Variants in HPD observed in about 807,000 individuals in gnomAD.
HPD encodes 4-hydroxyphenylpyruvate dioxygenase.
A neutral mutation model predicts 56.9 loss-of-function variants in HPD; 35 were observed. The observed-to-expected ratio is 0.62, with a 90% CI of 0.47 to 0.82. HPD has a LOEUF of 0.82. Among genes scored for constraint, HPD ranks in the 40% least tolerant of loss-of-function variants. The pLI is 0.00. For synonymous variants in HPD, 186 were observed against 200.2 expected, an observed-to-expected ratio of 0.93 and a Z score of 0.60; for missense variants, 442 against 506.8, an observed-to-expected ratio of 0.87 and a Z score of 1.23.
intron 7 of HPD, among the ~76,000 whole-genome samples, chr12:121,853,971 C>T (rs537339623): frequency 9.2e-4 from 138 of 150,770 alleles, no homozygotes; most frequent in African/African-American, 2.8e-3. Flanking sequence ...AGAAAAAGGC[C>T]GGGCACAGTG....
Position 121,843,798 on chromosome 12 carries a change from A to G in HPD, c.866T>C (p.Leu289Ser), listed in dbSNP as rs745651422. Residue 289 changes from leucine (L) to serine (S), a missense_variant, in exon 12 of 14, where the codon TTA (leucine) becomes TCA (serine). Coordinates refer to ENST00000289004, the MANE Select transcript of HPD (RefSeq NM_002150.3). ...TTTGTAGTACGTGGAGGGAACAGAT[A>G]AGAACTCCAGGCCTCTCTCTCTCAA... ...RHLRERGLEF[L>S]SVPSTYYKQL... The G allele has an allele frequency of 5.0e-6, 8 of 1,614,004 alleles. No homozygotes were observed. The highest frequency in any genetic ancestry group is 1.6e-4 in the Middle Eastern group (1 of 6,062).
At chr12:121,861,142 C>A (rs1878161967), upstream of HPD, among the ~76,000 whole-genome samples, 1 of 151,942 alleles carries the variant, frequency 6.6e-6, no homozygotes, top group South Asian at 2.1e-4. Context: ...TTGAGACCAG[C>A]CTGACCAATA....
At chr12:121,842,473 T>C (rs1458119442) in intron 12 of HPD, among the ~76,000 whole-genome samples, 1 of 152,138 alleles carries the variant, frequency 6.6e-6, no homozygotes, top group Non-Finnish European at 1.5e-5. Context: ...TCACCCAGGC[T>C]GGAGTGCAGT....
chr12:121,874,952 G>T, the HPD span, among the ~76,000 whole-genome samples: 1 of 152,018 alleles, frequency 6.6e-6, no homozygotes, highest in Non-Finnish European at 1.5e-5. Context: ...GTAGAGAGGG[G>T]TTTCTCCATG....
At chr12:121,843,999 GAAC>G (rs1381513335) in intron 11 of HPD, among the ~76,000 whole-genome samples, 167 bp from the exon 12 acceptor site, 3 of 152,140 alleles carry the variant, frequency 2.0e-5, no homozygotes, top group Non-Finnish European at 4.4e-5. Flanking sequence ...GGCCCCGTTA[GAAC>G]AACAACTGCT....
At chr12:121,866,374 T>A (rs115712146), upstream of HPD, among the ~76,000 whole-genome samples, 5,259 of 123,212 alleles carry the variant, frequency 0.043, 314 homozygotes, top group African/African-American at 0.14. Context: ...CTAAGATATG[T>A]TACGTTTAAA....
the HPD span, among the ~76,000 whole-genome samples, chr12:121,888,476 T>C: frequency 6.6e-6 from 1 of 152,202 alleles, no homozygotes; most frequent in Admixed American, 6.5e-5. Context: ...AAGAACTGAA[T>C]TGGAGCGCCA....
chr12:121,887,761 C>T, the HPD span, among the ~76,000 whole-genome samples: 6 of 152,270 alleles, frequency 3.9e-5, no homozygotes, highest in African/African-American at 1.4e-4. Context: ...CCCCTTATTC[C>T]CCATGTGTAT....
intron 7 of HPD, among the ~76,000 whole-genome samples, chr12:121,853,188 G>A (rs562630821): frequency 2.0e-5 from 3 of 152,220 alleles, no homozygotes; most frequent in African/African-American, 7.2e-5. Flanking sequence ...GGGGGAGGTC[G>A]GGGAGGGAGT....
rs148163792 is a variant in HPD at position 121,855,492 on chromosome 12, T to C, written c.325-700A>G. Among the ~76,000 whole-genome samples, 465 of 152,034 alleles carry C rather than the reference T, an allele frequency of 3.1e-3. 2 individuals carry two copies. The highest frequency in any genetic ancestry group is 0.011 in the African/African-American group (445 of 41,470). On this transcript the variant is annotated intron_variant, in intron 6 of 13. Transcript: ENST00000289004. ...CAGCACTTTAGGAGGCCGAGGTGGG[T>C]GGATCACTTGAGGTCAGGAGTTCAA...
At chr12:121,875,736 A>G in the HPD span, among the ~76,000 whole-genome samples, 4 of 152,092 alleles carry the variant, frequency 2.6e-5, no homozygotes, top group South Asian at 2.1e-4. Context: ...GGTATGGTCA[A>G]TTTCGAGTAT....
chr12:121,849,119 C>T, intron 8 of HPD, 43 bp from the exon 9 acceptor site: 2 of 1,256,714 alleles, frequency 1.6e-6, no homozygotes, highest in Middle Eastern at 1.9e-4. Flanking sequence ...GGCTACCCCC[C>T]AGATTGCTCC....
chr12:121,872,282 A>G, the HPD span, among the ~76,000 whole-genome samples: 1 of 146,704 alleles, frequency 6.8e-6, no homozygotes, highest in African/African-American at 2.5e-5. Flanking sequence ...CCCAGGCTGG[A>G]GTGCAATGGT....
chr12:121,843,547 T>C (rs1877474650), intron 12 of HPD, among the ~76,000 whole-genome samples, 163 bp downstream of exon 12: 1 of 152,228 alleles, frequency 6.6e-6, no homozygotes, highest in African/African-American at 2.4e-5. Context: ...TGTTTATTTG[T>C]TTGTCATCTG....
At chr12:121,845,890 A>C (rs1051377352) in intron 11 of HPD, among the ~76,000 whole-genome samples, 8 of 152,150 alleles carry the variant, frequency 5.3e-5, no homozygotes, top group African/African-American at 1.9e-4. Flanking sequence ...TCATTTTAAA[A>C]AAAATTTCTT....
chr12:121,849,979 G>T (rs1449562), intron 7 of HPD, 189 bp from the exon 8 acceptor site: 2 of 619,380 alleles, frequency 3.2e-6, no homozygotes, highest in Admixed American at 2.2e-5. Flanking sequence ...GAGAGTTTCC[G>T]TGAGGGCGGG....
chr12:121,857,053 G>A (rs1280626460), intron 4 of HPD: 1 of 508,958 alleles, frequency 2.0e-6, no homozygotes. Flanking sequence ...ATATGTTTTT[G>A]TTGTTGTTGT....
the HPD span, among the ~76,000 whole-genome samples, chr12:121,884,293 G>A: frequency 2.6e-5 from 4 of 151,614 alleles, no homozygotes; most frequent in East Asian, 7.8e-4. Flanking sequence ...CTCCCAAGTA[G>A]CTGGGATTAC....
At position 121,857,334 on chromosome 12, in the gene HPD, T is replaced by C; in HGVS notation, c.192A>G (p.Gln64=). 6.2e-7 allele frequency: 1 copy of C among 1,611,452 alleles called. No homozygotes were observed. The highest frequency in any genetic ancestry group is 8.5e-7 in the Non-Finnish European group (1 of 1,177,564). Residue 64 remains glutamine, a synonymous_variant, in exon 4 of 14, where the codon CAA becomes CAG. Transcript: ENST00000289004. The part of the protein sequence containing the change: ...SREVVSHVIK[Q]GKIVFVLSSA... ...CCTGGGGGTGGTGACTCACCTTCCC[T>C]TGTTTGATTACATGGCTGACCACCT...
Sources: allele counts gnomAD v4.1 joint callset (sites outside exome capture counted in the v4.1 genomes callset), GRCh38; gene constraint gnomAD v4.1.1; transcripts MANE v1.5; gene names NCBI Gene and HGNC (gene_info 2026-07-23, HGNC 2026-07-21).